Variants in SMCO4 observed in about 807,000 individuals in gnomAD.
The protein encoded by SMCO4 is single-pass membrane and coiled-coil domain-containing protein 4.
A neutral mutation model predicts 3.6 loss-of-function variants in SMCO4; 4 were observed. That is an observed-to-expected ratio of 1.11 (90% CI 0.54 to 2.53). The LOEUF is 2.53. Ranked by LOEUF, SMCO4 falls within the 30% of genes most tolerant of loss-of-function variation. The pLI, the probability that SMCO4 is intolerant of heterozygous loss-of-function variation, is 0.02. For synonymous variants in SMCO4, 36 were observed against 35.3 expected, an observed-to-expected ratio of 1.02 and a Z score of -0.07; for missense variants, 70 against 80.8, an observed-to-expected ratio of 0.87 and a Z score of 0.51.
chr11:93,541,096 C>CA (rs1949267303), intron 1 of SMCO4, among the ~76,000 whole-genome samples: 2 of 152,234 alleles, frequency 1.3e-5, no homozygotes, highest in South Asian at 2.1e-4. Context: ...AATACACACA[C>CA]AAAAAAAATT....
At chr11:93,498,819 T>C (rs563586278) in intron 2 of SMCO4, among the ~76,000 whole-genome samples, 1 of 152,254 alleles carries the variant, frequency 6.6e-6, no homozygotes, top group African/African-American at 2.4e-5. Flanking sequence ...GGCTCCTTCA[T>C]GAGTCATTCG....
chr11:93,538,669 G>C (rs1431173757), intron 1 of SMCO4, among the ~76,000 whole-genome samples: 1 of 152,134 alleles, frequency 6.6e-6, no homozygotes, highest in African/African-American at 2.4e-5. Flanking sequence ...CACATAGTCA[G>C]CATCTCCAAC....
intron 1 of SMCO4, among the ~76,000 whole-genome samples, chr11:93,526,473 C>T (rs1949109220): frequency 6.6e-6 from 1 of 152,060 alleles, no homozygotes; most frequent in African/African-American, 2.4e-5. Flanking sequence ...CAGTGAAATC[C>T]TAGAGCATTC....
chr11:93,519,840 AC>A (rs1249097090), intron 1 of SMCO4, among the ~76,000 whole-genome samples: 1 of 152,240 alleles, frequency 6.6e-6, no homozygotes, highest in Non-Finnish European at 1.5e-5. Context: ...GCTCACCCTT[AC>A]TTGTAATATC....
chr11:93,535,120 A>C (rs1278006820), intron 1 of SMCO4, among the ~76,000 whole-genome samples: 3 of 152,208 alleles, frequency 2.0e-5, no homozygotes, highest in Non-Finnish European at 4.4e-5. Flanking sequence ...ACTGATCTTA[A>C]TACTTACGGA....
At chr11:93,489,552 G>GTCCAA (rs1948690432) in intron 2 of SMCO4, among the ~76,000 whole-genome samples, 1 of 152,148 alleles carries the variant, frequency 6.6e-6, no homozygotes, top group Non-Finnish European at 1.5e-5. Flanking sequence ...AAGTCAGGAT[G>GTCCAA]GCACCAACCG....
chr11:93,550,951 T>C, the SMCO4 span, among the ~76,000 whole-genome samples: 1 of 152,222 alleles, frequency 6.6e-6, no homozygotes, highest in Non-Finnish European at 1.5e-5. Context: ...AGGTGTTTCC[T>C]ATCAACTATG....
In SMCO4 at chr11:93,538,804, G is replaced by A. The variant is rs1252362855; in HGVS notation, c.-154+4472C>T. Among the ~76,000 whole-genome samples, 3 of 152,128 alleles carry A rather than the reference G, an allele frequency of 2.0e-5. No individual in the cohort carries two copies. In the East Asian group the frequency reaches 5.8e-4, roughly 29 times the overall value. On this transcript the variant is annotated intron_variant, in intron 1 of 2. Transcript: ENST00000298966. ...CCGCAACCACTGCCACTGTCTTAAT[G>A]TCTTCTGTTCAGGCCCTCATCTCTC...
At chr11:93,492,048 G>C (rs970481873) in intron 2 of SMCO4, among the ~76,000 whole-genome samples, 1 of 152,248 alleles carries the variant, frequency 6.6e-6, no homozygotes, top group Non-Finnish European at 1.5e-5. Flanking sequence ...CGGAAAGAAT[G>C]AGGGACTAAC....
rs113177805 is a variant in SMCO4, at chr11:93,510,549, C to T, written c.-153-11201G>A. ...CAATCTCCCAATTGTCGAAAGCAGC[C>T]CAGATGTAGGCTTGTATGCTGTTAC... On this transcript the variant is annotated intron_variant, in intron 1 of 2. Transcript: ENST00000298966. Among the ~76,000 whole-genome samples, 993 of 152,304 alleles carry T rather than the reference C, an allele frequency of 6.5e-3. 11 individuals carry two copies. The highest frequency in any genetic ancestry group is 0.017 in the Middle Eastern group (5 of 294).
chr11:93,501,681 C>T lies in SMCO4; in HGVS notation c.-153-2333G>A, dbSNP rs543947811. 7.9e-4 allele frequency among the ~76,000 whole-genome samples: 121 copies of T among 152,270 alleles called. 2 individuals carry two copies. Among genetic ancestry groups the T allele is most frequent in the African/African-American group, 2.8e-3 (116 of 41,548 alleles). On this transcript the variant is annotated intron_variant, in intron 1 of 2. Transcript: ENST00000298966. Reference sequence around the variant, plus strand: ...TCCTTACTTAGTCACATCTGCAAACCCCCTTTTTCCAATTAAGGTAACATT... The same window carrying T: ...TCCTTACTTAGTCACATCTGCAAACTCCCTTTTTCCAATTAAGGTAACATT...
intron 2 of SMCO4, among the ~76,000 whole-genome samples, chr11:93,497,134 C>T (rs1948783831): frequency 6.6e-6 from 1 of 152,148 alleles, no homozygotes; most frequent in Non-Finnish European, 1.5e-5. Context: ...TCTATTTTCC[C>T]ATTTCCCCAT....
Position 93,479,390 on chromosome 11 carries a change from C to T in SMCO4, c.-80-121G>A, listed in dbSNP as rs987348105. On this transcript the variant is annotated intron_variant, in intron 2 of 2. Transcript: ENST00000298966. The stretch of plus-strand genomic sequence containing the variant: ...AACTTACATGACAAAGGGCTAAGAA[C>T]AGAGGCCACACCAGGCTCTAAGTTC... 6 of 944,490 alleles carry T rather than the reference C, an allele frequency of 6.4e-6. No individual in the cohort carries two copies. The African/African-American group carries it at 9.9e-5, about 16-fold the overall frequency. The allele number at this position is 944,490 out of a possible 1,614,324, so 58.5% of individuals were successfully genotyped here. A position where few individuals can be genotyped will look rare whatever the true frequency, so the allele number is the denominator to read the frequency against.
At chr11:93,509,846 A>T (rs1310384012) in intron 1 of SMCO4, among the ~76,000 whole-genome samples, 1 of 152,214 alleles carries the variant, frequency 6.6e-6, no homozygotes, top group Admixed American at 6.5e-5. Flanking sequence ...AGAGTGAGGG[A>T]TAAAAGGATA....
At chr11:93,540,622 A>C (rs1949263833) in intron 1 of SMCO4, among the ~76,000 whole-genome samples, 1 of 152,214 alleles carries the variant, frequency 6.6e-6, no homozygotes, top group Non-Finnish European at 1.5e-5. Context: ...AAAGATCATC[A>C]GTAACTTATG....
At chr11:93,507,127 G>A (rs902650590) in intron 1 of SMCO4, among the ~76,000 whole-genome samples, 4 of 152,148 alleles carry the variant, frequency 2.6e-5, no homozygotes, top group South Asian at 2.1e-4. Flanking sequence ...CTTCGGGGCC[G>A]GGTGCGGTGG....
chr11:93,487,288 C>T (rs1444774666), intron 2 of SMCO4, among the ~76,000 whole-genome samples: 1 of 152,154 alleles, frequency 6.6e-6, no homozygotes, highest in Non-Finnish European at 1.5e-5. Flanking sequence ...ACTCCGGACA[C>T]CCGCAAAGCA....
intron 1 of SMCO4, among the ~76,000 whole-genome samples, chr11:93,522,613 C>A (rs1421908622): frequency 1.3e-5 from 2 of 152,262 alleles, no homozygotes; most frequent in African/African-American, 4.8e-5. Context: ...TAGGCCAAGT[C>A]TCCGCCATTG....
chr11:93,519,652 A>T (rs78388412), intron 1 of SMCO4, among the ~76,000 whole-genome samples: 1 of 152,354 alleles, frequency 6.6e-6, no homozygotes, highest in African/African-American at 2.4e-5. Flanking sequence ...ACTAAAACCA[A>T]GGCAAAGAAG....
Sources: gnomAD v4.1 joint callset for allele counts (sites outside exome capture counted in the v4.1 genomes callset) on GRCh38, gnomAD v4.1.1 for gene constraint, MANE v1.5 for transcripts, NCBI Gene and HGNC (gene_info 2026-07-23, HGNC 2026-07-21) for gene names.